Variants in ZNF385D observed in about 807,000 individuals in gnomAD.
ZNF385D encodes the protein zinc finger protein 659.
ZNF385D carries 15 observed loss-of-function variants against 35.8 expected under a neutral mutation model. That is an observed-to-expected ratio of 0.42 (90% CI 0.28 to 0.64). ZNF385D has a LOEUF of 0.64. Among genes scored for constraint, ZNF385D ranks in the 30% least tolerant of loss-of-function variants. The pLI is 0.23. For missense variants in ZNF385D, 474 were observed against 494.6 expected, an observed-to-expected ratio of 0.96 and a Z score of 0.39; for synonymous variants, 212 against 186.8, an observed-to-expected ratio of 1.13 and a Z score of -1.10.
intron 3 of ZNF385D, among the ~76,000 whole-genome samples, chr3:21,960,560 T>A (rs1479228055): frequency 6.6e-6 from 1 of 151,962 alleles, no homozygotes; most frequent in Non-Finnish European, 1.5e-5. Context: ...AAAACTACCA[T>A]AAGATCCAGC....
At chr3:21,946,042 A>C (rs972218952) in intron 3 of ZNF385D, among the ~76,000 whole-genome samples, 4 of 152,174 alleles carry the variant, frequency 2.6e-5, no homozygotes, top group Admixed American at 6.5e-5. Context: ...ATGGCAAACT[A>C]GCTGATTTAG....
intron 3 of ZNF385D, among the ~76,000 whole-genome samples, chr3:21,992,000 G>C (rs1462103155): frequency 6.6e-6 from 1 of 152,148 alleles, no homozygotes; most frequent in Non-Finnish European, 1.5e-5. Context: ...ATTTAGGCTA[G>C]CTAACTATTC....
chr3:21,728,887 GCTTC>G (rs1440175113), intron 1 of ZNF385D, among the ~76,000 whole-genome samples: 4 of 152,112 alleles, frequency 2.6e-5, no homozygotes, highest in African/African-American at 9.7e-5. Context: ...AATAACTGGC[GCTTC>G]CTAAGAAAAT....
chr3:21,658,431 T>C (rs909274131), intron 2 of ZNF385D, among the ~76,000 whole-genome samples: 1 of 152,048 alleles, frequency 6.6e-6, no homozygotes, highest in South Asian at 2.1e-4. Flanking sequence ...ATCTAATGCA[T>C]AAAACAGTGA....
chr3:21,697,756 A>T (rs951437938), intron 1 of ZNF385D, among the ~76,000 whole-genome samples: 1 of 152,176 alleles, frequency 6.6e-6, no homozygotes, highest in Non-Finnish European at 1.5e-5. Context: ...AAATAACTCA[A>T]CAAGAAAAAA....
chr3:21,908,156 A>ACC (rs1699788462), intron 3 of ZNF385D, among the ~76,000 whole-genome samples: 1 of 149,748 alleles, frequency 6.7e-6, no homozygotes, highest in African/African-American at 2.5e-5. Context: ...CTATCTATCT[A>ACC]TCTATCTATC....
chr3:22,012,786 T>C (rs2125440244), intron 3 of ZNF385D, among the ~76,000 whole-genome samples: 1 of 152,238 alleles, frequency 6.6e-6, no homozygotes, highest in Non-Finnish European at 1.5e-5. Context: ...GCTTAGCACA[T>C]AATTCTTAGG....
intron 3 of ZNF385D, among the ~76,000 whole-genome samples, chr3:21,994,177 G>A (rs968763416): frequency 2.0e-5 from 3 of 152,144 alleles, no homozygotes; most frequent in Non-Finnish European, 2.9e-5. Flanking sequence ...GTGTGTTCCT[G>A]GACATCTGGT....
intron 2 of ZNF385D, among the ~76,000 whole-genome samples, chr3:22,279,237 T>C (rs1183341630): frequency 6.6e-6 from 1 of 151,926 alleles, no homozygotes; most frequent in African/African-American, 2.4e-5. Context: ...ACCCAATGTG[T>C]AGTCTTTTAT....
At chr3:21,699,493 A>T (rs1307405047) in intron 1 of ZNF385D, among the ~76,000 whole-genome samples, 2 of 152,164 alleles carry the variant, frequency 1.3e-5, no homozygotes, top group African/African-American at 4.8e-5. Context: ...ATAATAATAA[A>T]AAAAAATGAA....
chr3:22,066,734 C>T (rs1368110743), intron 3 of ZNF385D, among the ~76,000 whole-genome samples: 3 of 152,068 alleles, frequency 2.0e-5, no homozygotes, highest in Non-Finnish European at 2.9e-5. Flanking sequence ...GTGATGTGCA[C>T]TTAGATATTC....
chr3:21,728,245 T>TGG (rs1351752746), intron 1 of ZNF385D, among the ~76,000 whole-genome samples: 1 of 151,126 alleles, frequency 6.6e-6, no homozygotes, highest in East Asian at 1.9e-4. Context: ...GTAACAAAAC[T>TGG]GCACGTTCTG....
intron 1 of ZNF385D, among the ~76,000 whole-genome samples, chr3:21,717,028 G>A (rs1005443408): frequency 6.6e-6 from 1 of 152,172 alleles, no homozygotes; most frequent in Admixed American, 6.5e-5. Context: ...AGCTACTCAG[G>A]AGTCTGAGGC....
intron 3 of ZNF385D, among the ~76,000 whole-genome samples, chr3:21,870,306 T>C (rs940993573): frequency 1.3e-5 from 2 of 152,282 alleles, no homozygotes; most frequent in African/African-American, 4.8e-5. Context: ...TGAGCAGTTG[T>C]TCCCCAACAT....
chr3:22,336,899 A>T (rs756915324), intron 2 of ZNF385D, among the ~76,000 whole-genome samples: 1 of 108,472 alleles, frequency 9.2e-6, no homozygotes, highest in Non-Finnish European at 2.0e-5. Context: ...CTATGCAAAC[A>T]GTGATTTTTC....
At chr3:22,175,151 T>A (rs1198307612) in intron 2 of ZNF385D, among the ~76,000 whole-genome samples, 1 of 151,976 alleles carries the variant, frequency 6.6e-6, no homozygotes, top group Admixed American at 6.6e-5. Flanking sequence ...ATAATTCTTA[T>A]ACAATTTTCT....
rs1281560195 is a variant in ZNF385D, at chr3:21,930,514, A to G, written c.325+238303T>C. Among the ~76,000 whole-genome samples, 4 of 152,114 alleles carry G rather than the reference A, an allele frequency of 2.6e-5. No homozygotes were observed. The East Asian group carries it at 7.7e-4, about 29-fold the overall frequency. On this transcript the variant is annotated intron_variant, in intron 3 of 5. Transcript: ENST00000494108. ...AAAGTGATAAGTATATAGAAATGCA[A>G]ATGACTCAGAAAATCTAAAATAATT...
intron 3 of ZNF385D, among the ~76,000 whole-genome samples, chr3:21,773,671 A>G (rs1254278754): frequency 6.6e-6 from 1 of 151,706 alleles, no homozygotes; most frequent in Admixed American, 6.6e-5. Flanking sequence ...TATGTTAACA[A>G]GCCCACCATC....
At chr3:22,174,534 A>AT (rs1428130926) in intron 2 of ZNF385D, among the ~76,000 whole-genome samples, 1 of 152,138 alleles carries the variant, frequency 6.6e-6, no homozygotes, top group Admixed American at 6.6e-5. Context: ...CCACTGTGTA[A>AT]TTTTTTTAAA....
Sources: allele counts gnomAD v4.1 joint callset (sites outside exome capture counted in the v4.1 genomes callset), GRCh38; gene constraint gnomAD v4.1.1; transcripts MANE v1.5; gene names NCBI Gene and HGNC (gene_info 2026-07-23, HGNC 2026-07-21).